The following GPR89B variants were observed in gnomAD, a reference collection of about 807,000 sequenced individuals.
The protein encoded by GPR89B is G protein-coupled receptor 89B.
Under a neutral mutation model 52.4 loss-of-function variants are expected in GPR89B, and 25 were observed. The ratio of observed to expected loss-of-function variants is 0.48; its 90% CI spans 0.35 to 0.67. The LOEUF (loss-of-function observed/expected upper bound fraction) is 0.67, where lower values mean the gene tolerates loss of function less well. Ranked by LOEUF, GPR89B falls within the 30% of genes least tolerant of loss-of-function variation. The pLI is 0.01. For missense variants in GPR89B, 146 were observed against 450.2 expected, an observed-to-expected ratio of 0.32 and a Z score of 6.11; for synonymous variants, 52 against 151.2, an observed-to-expected ratio of 0.34 and a Z score of 4.81.
chr1:147,983,239 T>A (rs1193950356), intron 10 of GPR89B, among the ~76,000 whole-genome samples: 2 of 150,900 alleles, frequency 1.3e-5, no homozygotes, highest in East Asian at 3.9e-4. Context: ...AACCTAGGCG[T>A]TACCATTCAG....
the GPR89B span, among the ~76,000 whole-genome samples, chr1:148,015,397 C>A: frequency 6.7e-6 from 1 of 148,392 alleles, no homozygotes; most frequent in Admixed American, 6.7e-5. Context: ...TCATTGCAAC[C>A]TCCGACTCCC....
At chr1:148,004,366 C>T in the GPR89B span, among the ~76,000 whole-genome samples, 8 of 151,100 alleles carry the variant, frequency 5.3e-5, no homozygotes, top group East Asian at 4.0e-4. Context: ...GGTGTTTCAC[C>T]GTGTTAGCCA....
the GPR89B span, among the ~76,000 whole-genome samples, chr1:148,018,499 T>C: frequency 6.6e-6 from 1 of 150,530 alleles, no homozygotes; most frequent in African/African-American, 2.5e-5. Flanking sequence ...AATCATACAA[T>C]GAGGTGGTGG....
the GPR89B span, chr1:148,012,152 G>T: frequency 6.6e-6 from 1 of 151,970 alleles, no homozygotes; most frequent in African/African-American, 2.4e-5. Context: ...AACCACTAAG[G>T]TTCTTCTCTT....
In GPR89B at chr1:147,962,423, C is replaced by CAA. The variant is rs1176963367; in HGVS notation, c.618-4116_618-4115dup. ...TGGGTGACAGAGCCAAACTCTGTCT[C>CAA]AAAAAAAAAAAAAAAAGAAAAGAAA... is the stretch of plus-strand genomic sequence containing the variant. On this transcript the variant is annotated intron_variant, in intron 7 of 13. Coordinates refer to ENST00000314163, the MANE Select transcript of GPR89B (RefSeq NM_016334.5). Among the ~76,000 whole-genome samples, 732 of 80,916 alleles carry CAA rather than the reference C, an allele frequency of 9.0e-3. 1 individual carries two copies. The highest frequency in any genetic ancestry group is 0.015 in the Non-Finnish European group (583 of 39,252). The allele number at this position is 80,916 out of a possible 152,430, so 53.1% of individuals were successfully genotyped here. A position where few individuals can be genotyped will look rare whatever the true frequency, so the allele number is the denominator to read the frequency against.
intron 5 of GPR89B, among the ~76,000 whole-genome samples, chr1:147,949,217 C>A (rs587661868): frequency 6.6e-6 from 1 of 152,160 alleles, no homozygotes; most frequent in African/African-American, 2.4e-5. Flanking sequence ...GCCTTTCCCC[C>A]CTTTCCATTC....
chr1:147,954,646 C>T lies in GPR89B; in HGVS notation c.617+244C>T, dbSNP rs1260669060. On this transcript the variant is annotated intron_variant, in intron 7 of 13. Coordinates refer to ENST00000314163, the MANE Select transcript of GPR89B (RefSeq NM_016334.5). ...TAGCCTGGGTAACATAGTGAGACCC[C>T]ACCCCTTTAAAATAACAATAAAATT... Among the ~76,000 whole-genome samples the T allele has an allele frequency of 2.6e-5, 4 of 152,136 alleles. No individual in the cohort carries two copies. In the East Asian group the frequency reaches 7.7e-4, roughly 29 times the overall value.
At chr1:148,006,176 A>G in the GPR89B span, among the ~76,000 whole-genome samples, 1 of 150,168 alleles carries the variant, frequency 6.7e-6, no homozygotes, top group Non-Finnish European at 1.5e-5. Context: ...AAATGCAAAG[A>G]TGGAATCTTG....
At chr1:147,985,146 G>A (rs1470431170) in intron 10 of GPR89B, among the ~76,000 whole-genome samples, 1 of 152,076 alleles carries the variant, frequency 6.6e-6, no homozygotes, top group Non-Finnish European at 1.5e-5. Context: ...CTGTCATTAG[G>A]TATATAAACA....
intron 10 of GPR89B, among the ~76,000 whole-genome samples, chr1:147,984,926 G>A (rs2149091855): frequency 6.6e-6 from 1 of 152,188 alleles, no homozygotes; most frequent in South Asian, 2.1e-4. Flanking sequence ...AGAATATGGT[G>A]ATAAATGTCT....
At chr1:148,009,566 C>T in the GPR89B span, 4 of 1,533,334 alleles carry the variant, frequency 2.6e-6, no homozygotes, top group African/African-American at 2.7e-5. Flanking sequence ...TCACTGAATT[C>T]CCACTCTTTC....
At chr1:148,006,929 C>T in the GPR89B span, among the ~76,000 whole-genome samples, 939 of 151,042 alleles carry the variant, frequency 6.2e-3, 13 homozygotes, top group African/African-American at 0.022. Flanking sequence ...GTTGGCCAGG[C>T]TTGTCTCGAA....
At chr1:147,989,411 T>G (rs1388237983) in intron 12 of GPR89B, among the ~76,000 whole-genome samples, 10 of 151,956 alleles carry the variant, frequency 6.6e-5, no homozygotes, top group African/African-American at 2.4e-4. Context: ...AAGGACCTAC[T>G]GAATTCAACT....
the GPR89B span, among the ~76,000 whole-genome samples, chr1:148,007,370 C>T: frequency 8.5e-5 from 13 of 152,190 alleles, no homozygotes; most frequent in South Asian, 6.2e-4. Context: ...CCACTGCGCC[C>T]GGCCTGAGCT....
chr1:147,933,544 T>TA (rs1653826201), intron 1 of GPR89B, among the ~76,000 whole-genome samples: 1 of 152,068 alleles, frequency 6.6e-6, no homozygotes, highest in African/African-American at 2.4e-5. Context: ...CTCAGGCCCT[T>TA]AGTGTGTTCA....
At chr1:148,015,096 C>G in the GPR89B span, 1 of 151,706 alleles carries the variant, frequency 6.6e-6, no homozygotes, top group Non-Finnish European at 1.5e-5. Context: ...TGCTTGCTTC[C>G]AAGTCTGGAG....
intron 1 of GPR89B, among the ~76,000 whole-genome samples, chr1:147,933,291 C>G (rs1196669976): frequency 6.6e-6 from 1 of 151,986 alleles, no homozygotes; most frequent in Non-Finnish European, 1.5e-5. Flanking sequence ...ACTGCTTTAG[C>G]TCCCATTCAT....
At chr1:147,937,941 TG>T (rs1341410011) in intron 2 of GPR89B, among the ~76,000 whole-genome samples, 2 of 152,204 alleles carry the variant, frequency 1.3e-5, no homozygotes, top group Non-Finnish European at 2.9e-5. Context: ...AACTAATAAA[TG>T]TCCATGAAAT....
At chr1:148,003,343 C>G in the GPR89B span, among the ~76,000 whole-genome samples, 7 of 152,004 alleles carry the variant, frequency 4.6e-5, no homozygotes, top group Admixed American at 2.6e-4. Flanking sequence ...TCACCCACAC[C>G]TCGGCCTCAG....
Sources: gnomAD v4.1 joint callset for allele counts (sites outside exome capture counted in the v4.1 genomes callset) on GRCh38, gnomAD v4.1.1 for gene constraint, MANE v1.5 for transcripts, NCBI Gene and HGNC (gene_info 2026-07-23, HGNC 2026-07-21) for gene names.